SEC24A: variants seen among roughly 807,000 people sequenced by gnomAD.
The protein encoded by SEC24A is protein transport protein Sec24A.
Under a neutral mutation model 129.4 loss-of-function variants are expected in SEC24A, and 93 were observed. That is an observed-to-expected ratio of 0.72 (90% CI 0.61 to 0.85). The LOEUF is 0.85. Among genes scored for constraint, SEC24A ranks in the 40% least tolerant of loss-of-function variants. SEC24A has a pLI of 0.00. For missense variants in SEC24A, 1,264 were observed against 1,307.4 expected (o/e 0.97, Z 0.51); for synonymous variants, 460 against 467.3 (o/e 0.98, Z 0.20).
chr5:134,652,361 T>C (rs904685821), intron 1 of SEC24A, among the ~76,000 whole-genome samples: 1 of 152,002 alleles, frequency 6.6e-6, no homozygotes, highest in African/African-American at 2.4e-5. Context: ...TGATCTTGGC[T>C]CACTGCAACC....
chr5:134,720,253 C>A (rs1348469080), intron 20 of SEC24A, among the ~76,000 whole-genome samples: 1 of 152,150 alleles, frequency 6.6e-6, no homozygotes, highest in Non-Finnish European at 1.5e-5. Context: ...TTTACTATAC[C>A]TTTCCTATGT....
intron 7 of SEC24A, among the ~76,000 whole-genome samples, chr5:134,676,990 T>C (rs1751088888): frequency 6.6e-6 from 1 of 152,200 alleles, no homozygotes; most frequent in Admixed American, 6.6e-5. Context: ...AAATGAATCA[T>C]ACTATTTTAA....
At chr5:134,672,006 A>T (rs1750881732) in intron 4 of SEC24A, 120 bp downstream of exon 4, 1 of 649,648 alleles carries the variant, frequency 1.5e-6, no homozygotes. Flanking sequence ...GTAGCCATAC[A>T]TACTATTAAC....
At chr5:134,689,695 C>T (rs1204947501) in intron 11 of SEC24A, among the ~76,000 whole-genome samples, 5 of 150,292 alleles carry the variant, frequency 3.3e-5, no homozygotes, top group Non-Finnish European at 5.9e-5. Context: ...CGGGAGGAGG[C>T]GGAGCTTGCA....
intron 12 of SEC24A, chr5:134,693,059 C>T: frequency 6.5e-7 from 1 of 1,535,990 alleles, no homozygotes; most frequent in Non-Finnish European, 8.7e-7. Context: ...TCAGAAGAAA[C>T]TCTTATTACC....
intron 1 of SEC24A, among the ~76,000 whole-genome samples, chr5:134,650,998 C>T (rs1750029388): frequency 1.3e-5 from 2 of 151,844 alleles, no homozygotes; most frequent in Non-Finnish European, 2.9e-5. Context: ...TGATGTCAAA[C>T]TCCTGACCTC....
intron 1 of SEC24A, among the ~76,000 whole-genome samples, chr5:134,651,465 T>G (rs906980162): frequency 2.0e-5 from 3 of 151,140 alleles, no homozygotes; most frequent in Non-Finnish European, 4.4e-5. Context: ...CGGCTAATTT[T>G]TGTATTTTTA....
intron 7 of SEC24A, among the ~76,000 whole-genome samples, chr5:134,676,505 G>A (rs1039498221): frequency 4.8e-5 from 7 of 146,486 alleles, no homozygotes; most frequent in African/African-American, 7.6e-5. Context: ...GTGTAGTGGC[G>A]AGATCTCGGC....
chr5:134,706,711 G>A (rs1393040743), intron 17 of SEC24A, among the ~76,000 whole-genome samples: 1 of 152,002 alleles, frequency 6.6e-6, no homozygotes, highest in Non-Finnish European at 1.5e-5. Context: ...GTTATTTAGA[G>A]ATGGAGTCTC....
At chr5:134,690,946 G>T (rs373969912) in intron 11 of SEC24A, among the ~76,000 whole-genome samples, 1 of 151,660 alleles carries the variant, frequency 6.6e-6, no homozygotes, top group East Asian at 2.0e-4. Context: ...TGCCTCCCAG[G>T]TTCAAGCGAT....
At chr5:134,693,430 A>T (rs1751723496) in intron 12 of SEC24A, 1 of 1,361,580 alleles carries the variant, frequency 7.3e-7, no homozygotes, top group Non-Finnish European at 9.4e-7. Flanking sequence ...ATGGCATTAA[A>T]ATACATCAAA....
intron 1 of SEC24A, among the ~76,000 whole-genome samples, chr5:134,649,805 G>A (rs1188662416): frequency 1.3e-5 from 2 of 152,186 alleles, no homozygotes; most frequent in African/African-American, 2.4e-5. Context: ...TCTGACAAGA[G>A]TCTACATGTA....
rs747660789 is a variant in SEC24A at position 134,697,969 on chromosome 5, C to T, written c.2178C>T (p.Val726=). The change falls in exon 15 of 23, where the codon GTC becomes GTT. Residue 726 remains valine (V), a synonymous_variant. Transcript: ENST00000398844. Reference sequence around the variant, plus strand: ...CTTACCATCATCAGCACAACCCAGTCCAAGTACAGAAATTACAGAAGGAAC... The same window carrying T: ...CTTACCATCATCAGCACAACCCAGTTCAAGTACAGAAATTACAGAAGGAAC... ...YPSYHHQHNP[V]QVQKLQKELQ... 6 of 1,613,734 alleles carry T rather than the reference C, an allele frequency of 3.7e-6. No homozygotes were observed. Among genetic ancestry groups the T allele is most frequent in the Non-Finnish European group, 5.1e-6 (6 of 1,179,804 alleles).
chr5:134,692,057 C>CT (rs61531967), intron 11 of SEC24A, among the ~76,000 whole-genome samples: 15,982 of 127,916 alleles, frequency 0.12, 1,338 homozygotes, highest in Middle Eastern at 0.16. Context: ...TTTTTCTTTC[C>CT]TTTTTTTTTT....
intron 15 of SEC24A, chr5:134,701,188 T>TA (rs1440884596): frequency 1.3e-5 from 2 of 152,266 alleles, no homozygotes; most frequent in Non-Finnish European, 2.9e-5. Flanking sequence ...ATGGAACACT[T>TA]CACGAATTTA....
Position 134,651,507 on chromosome 5 carries a change from C to G in SEC24A, c.97+2334C>G, listed in dbSNP as rs533414315. The stretch of plus-strand genomic sequence containing the variant: ...ATGGGGTTTCACCATGTTGGCCAGG[C>G]TGGTCTTGAACTCCAAACCTCATAA... On this transcript the variant is annotated intron_variant, in intron 1 of 22. Coordinates refer to ENST00000398844, the MANE Select transcript of SEC24A (RefSeq NM_021982.3). Among the ~76,000 whole-genome samples, 81 of 151,360 alleles carry G rather than the reference C, an allele frequency of 5.4e-4. 1 individual carries two copies. Among genetic ancestry groups the G allele is most frequent in the African/African-American group, 1.8e-3 (76 of 41,340 alleles).
intron 8 of SEC24A, 61 bp downstream of exon 8, chr5:134,679,789 G>T (rs769220749): frequency 1.5e-6 from 2 of 1,336,498 alleles, no homozygotes; most frequent in South Asian, 1.7e-5. Flanking sequence ...GAAATCAGAT[G>T]ATACAAATGC....
chr5:134,665,124 T>A (rs1750612727), intron 2 of SEC24A, among the ~76,000 whole-genome samples: 1 of 151,954 alleles, frequency 6.6e-6, no homozygotes, highest in Non-Finnish European at 1.5e-5. Context: ...AACTTGATAC[T>A]GGAGTATTTA....
intron 11 of SEC24A, among the ~76,000 whole-genome samples, chr5:134,688,921 C>T (rs561534887): frequency 6.6e-6 from 1 of 152,300 alleles, no homozygotes; most frequent in South Asian, 2.1e-4. Flanking sequence ...CTCAAGTGAT[C>T]TGCCTCTCTT....
Sources: allele counts gnomAD v4.1 joint callset (sites outside exome capture counted in the v4.1 genomes callset), GRCh38; gene constraint gnomAD v4.1.1; transcripts MANE v1.5; gene names NCBI Gene and HGNC (gene_info 2026-07-23, HGNC 2026-07-21).